Variants in CEP162 observed in about 807,000 individuals in gnomAD.
CEP162 encodes the protein centrosomal protein 162, also known as centrosomal protein of 162 kDa.
A neutral mutation model predicts 169.2 loss-of-function variants in CEP162; 141 were observed. That is an observed-to-expected ratio of 0.83 (90% CI 0.73 to 0.96). The LOEUF is 0.96. CEP162 is among the 40% of genes least tolerant of loss of function. The probability of loss-of-function intolerance (pLI) is 0.00; values close to 1 mark genes in which losing one functional copy is unlikely to be tolerated. For missense variants in CEP162, 1,600 were observed against 1,587.2 expected (o/e 1.01, Z -0.14); for synonymous variants, 540 against 526.4 (o/e 1.03, Z -0.35).
intron 13 of CEP162, among the ~76,000 whole-genome samples, chr6:84,178,881 A>T (rs574494135): frequency 6.6e-6 from 1 of 152,058 alleles, no homozygotes; most frequent in African/African-American, 2.4e-5. Context: ...TCATTGTTCA[A>T]TTCCCACCTA....
chr6:84,193,772 T>C (rs1251370052), intron 10 of CEP162, 82 bp from the exon 11 acceptor site: 9 of 722,690 alleles, frequency 1.2e-5, no homozygotes, highest in Non-Finnish European at 2.0e-5. Context: ...CAAAATTATA[T>C]TTTCTCTGAC....
intron 19 of CEP162, 141 bp from the exon 20 acceptor site, chr6:84,162,050 T>TATACAACATAGTGTCTAGCTTA: frequency 1.7e-6 from 1 of 597,606 alleles, no homozygotes; most frequent in East Asian, 2.9e-5. Flanking sequence ...ACAACTGATG[T>TATACAACATAGTGTCTAGCTTA]ATACAACATA....
chr6:84,138,302 G>A (rs928356360), intron 25 of CEP162, among the ~76,000 whole-genome samples: 2 of 152,184 alleles, frequency 1.3e-5, no homozygotes, highest in Non-Finnish European at 2.9e-5. Context: ...TGATTTCTGG[G>A]AGAAGGGAAA....
chr6:84,142,428 A>G (rs1167670239), intron 25 of CEP162, among the ~76,000 whole-genome samples: 1 of 152,172 alleles, frequency 6.6e-6, no homozygotes, highest in Non-Finnish European at 1.5e-5. Flanking sequence ...ATATACGTAT[A>G]CATTTTTTTT....
rs1340461281 is a variant in CEP162 at position 84,226,431 on chromosome 6, A to G, written c.-38T>C. The G allele has an allele frequency of 7.0e-7, 1 of 1,424,700 alleles. No homozygotes were observed. 88.3% of individuals were successfully genotyped at this position (1,424,700 alleles called of 1,614,324 possible). A position where few individuals can be genotyped will look rare whatever the true frequency, so the allele number is the denominator to read the frequency against. ...TGACCTCCCAAAGTAAACATTCTAA[A>G]GTACCTCAAACATTGGAAACACTAA... On this transcript the variant is annotated 5_prime_UTR_variant, in exon 2 of 27. Transcript: ENST00000403245.
intron 2 of CEP162, among the ~76,000 whole-genome samples, chr6:84,221,856 T>A (rs1157003518): frequency 6.6e-6 from 1 of 152,020 alleles, no homozygotes; most frequent in Non-Finnish European, 1.5e-5. Flanking sequence ...CACAATTCTT[T>A]CCTCCACTCC....
At position 84,226,326 on chromosome 6, in the gene CEP162, T is replaced by C. The variant is rs776476814; in HGVS notation, c.57+11A>G. 1 of 1,526,228 alleles carries C rather than the reference T, an allele frequency of 6.6e-7. No homozygotes were observed. The highest frequency in any genetic ancestry group is 1.4e-5 in the African/African-American group (1 of 72,884). The allele number at this position is 1,526,228 out of a possible 1,614,324, so 94.5% of individuals were successfully genotyped here. A position where few individuals can be genotyped will look rare whatever the true frequency, so the allele number is the denominator to read the frequency against. ...AATTTGACAATATAGCTTTTAAAAATATAAACTTACCTCTTTCATAAACTG... is the reference window on the plus strand; with the variant it reads ...AATTTGACAATATAGCTTTTAAAAACATAAACTTACCTCTTTCATAAACTG... On this transcript the variant is annotated intron_variant, in intron 2 of 26. Transcript: ENST00000403245.
chr6:84,143,432 A>T (rs1010642599), intron 25 of CEP162, among the ~76,000 whole-genome samples: 4 of 152,062 alleles, frequency 2.6e-5, no homozygotes, highest in Non-Finnish European at 4.4e-5. Context: ...AAGATAAGGG[A>T]AACAACTTTG....
intron 3 of CEP162, among the ~76,000 whole-genome samples, chr6:84,218,582 C>T (rs767219521): frequency 1.3e-5 from 2 of 151,656 alleles, no homozygotes; most frequent in Non-Finnish European, 2.9e-5. Context: ...CTTCAAAAAC[C>T]AGAAGACTGA....
intron 25 of CEP162, among the ~76,000 whole-genome samples, chr6:84,135,204 T>C (rs1012892715): frequency 4.6e-5 from 7 of 152,222 alleles, no homozygotes; most frequent in African/African-American, 1.4e-4. Context: ...AACACATGCA[T>C]AGTGAATCCA....
intron 11 of CEP162, among the ~76,000 whole-genome samples, chr6:84,188,391 CT>C (rs1413055104): frequency 2.0e-5 from 3 of 152,126 alleles, no homozygotes; most frequent in Non-Finnish European, 4.4e-5. Flanking sequence ...TCCTCCCAAC[CT>C]CTCAAGTAGG....
chr6:84,189,571 G>A (rs1223697902), intron 11 of CEP162, among the ~76,000 whole-genome samples: 7 of 152,188 alleles, frequency 4.6e-5, no homozygotes, highest in African/African-American at 1.7e-4. Flanking sequence ...CCGGCGCTGC[G>A]CTCGATTTCT....
At chr6:84,130,649 G>A (rs1380550155) in intron 25 of CEP162, among the ~76,000 whole-genome samples, 1 of 152,150 alleles carries the variant, frequency 6.6e-6, no homozygotes, top group East Asian at 1.9e-4. Context: ...TTGCATAGAG[G>A]TGTTTATAGT....
At chr6:84,164,329 C>T (rs980217291) in intron 18 of CEP162, among the ~76,000 whole-genome samples, 1 of 152,172 alleles carries the variant, frequency 6.6e-6, no homozygotes, top group Non-Finnish European at 1.5e-5. Context: ...TACCATTTGA[C>T]TCAGCAATCC....
intron 7 of CEP162, among the ~76,000 whole-genome samples, chr6:84,203,015 T>C (rs2099545263): frequency 6.6e-6 from 1 of 152,178 alleles, no homozygotes. Context: ...TAACACACAG[T>C]ACCAAAGAGA....
intron 22 of CEP162, 120 bp downstream of exon 22, chr6:84,155,178 C>T (rs772524110): frequency 8.8e-5 from 67 of 761,352 alleles, no homozygotes; most frequent in Non-Finnish European, 1.4e-4. Flanking sequence ...CTATTGATAC[C>T]AGTGGTAAAG....
At chr6:84,133,093 C>A (rs2099512311) in intron 25 of CEP162, among the ~76,000 whole-genome samples, 2 of 152,200 alleles carry the variant, frequency 1.3e-5, no homozygotes, top group Middle Eastern at 3.2e-3. Context: ...GGACCCTCAG[C>A]TGCAGGTCTG....
chr6:84,132,130 G>T (rs1167962468), intron 25 of CEP162, among the ~76,000 whole-genome samples: 3 of 152,266 alleles, frequency 2.0e-5, no homozygotes, highest in East Asian at 1.9e-4. Context: ...TGAAATTCTG[G>T]GTTGAAAATT....
At chr6:84,209,002 T>G (rs550573544) in intron 6 of CEP162, among the ~76,000 whole-genome samples, 4 of 152,296 alleles carry the variant, frequency 2.6e-5, no homozygotes, top group African/African-American at 9.6e-5. Flanking sequence ...GACACTGAAC[T>G]TGGACAACTA....
Sources: allele counts gnomAD v4.1 joint callset (sites outside exome capture counted in the v4.1 genomes callset), GRCh38; gene constraint gnomAD v4.1.1; transcripts MANE v1.5; gene names NCBI Gene and HGNC (gene_info 2026-07-23, HGNC 2026-07-21).